Variants in PTPRB observed in about 807,000 individuals in gnomAD.
PTPRB encodes receptor-type tyrosine-protein phosphatase beta.
In PTPRB, 97 loss-of-function variants were observed where a neutral mutation model predicts 238.1. The observed-to-expected ratio is 0.41, with a 90% CI of 0.35 to 0.48. PTPRB has a LOEUF of 0.48. Among genes scored for constraint, PTPRB ranks in the 20% least tolerant of loss-of-function variants. The pLI is 0.30. For missense variants in PTPRB, 2,292 were observed against 2,681.9 expected (o/e 0.85, Z 3.21); for synonymous variants, 970 against 995.4 (o/e 0.97, Z 0.48).
At chr12:70,545,646 G>T (rs1270751924) in intron 21 of PTPRB, among the ~76,000 whole-genome samples, 1 of 152,098 alleles carries the variant, frequency 6.6e-6, no homozygotes, top group African/African-American at 2.4e-5. Context: ...GCTCAATGAA[G>T]AGACTGCTGG....
chr12:70,608,911 A>G (rs1044763465), intron 4 of PTPRB, 158 bp downstream of exon 4: 12 of 1,058,572 alleles, frequency 1.1e-5, no homozygotes, highest in Non-Finnish European at 1.6e-5. Context: ...GCTTCTGGCT[A>G]GATCCGAGGA....
At chr12:70,595,641 T>A (rs377281205) in intron 5 of PTPRB, among the ~76,000 whole-genome samples, 7 of 152,242 alleles carry the variant, frequency 4.6e-5, no homozygotes, top group African/African-American at 1.7e-4. Flanking sequence ...ATAGGAATAG[T>A]TAGGAAACAT....
chr12:70,598,537 G>A (rs1883221077), intron 4 of PTPRB, among the ~76,000 whole-genome samples: 1 of 152,126 alleles, frequency 6.6e-6, no homozygotes, highest in African/African-American at 2.4e-5. Flanking sequence ...TATCTGGGGA[G>A]TATAATAATA....
At chr12:70,565,713 TATCA>T (rs1879204491) in intron 15 of PTPRB, among the ~76,000 whole-genome samples, 1 of 152,228 alleles carries the variant, frequency 6.6e-6, no homozygotes, top group African/African-American at 2.4e-5. Context: ...ATAAATAAGT[TATCA>T]ATCAATTAGG....
intron 28 of PTPRB, 33 bp downstream of exon 28, chr12:70,538,122 A>G (rs749710870): frequency 5.7e-6 from 9 of 1,580,496 alleles, no homozygotes; most frequent in Admixed American, 3.5e-5. Flanking sequence ...CCAAAGCCTC[A>G]TCCTGAACAC....
At chr12:70,547,612 T>C (rs1211294699) in intron 21 of PTPRB, among the ~76,000 whole-genome samples, 2 of 148,264 alleles carry the variant, frequency 1.3e-5, no homozygotes, top group African/African-American at 5.0e-5. Flanking sequence ...GCTCAAGTGA[T>C]CCTCCAACCC....
intron 32 of PTPRB, among the ~76,000 whole-genome samples, chr12:70,524,971 A>G (rs61930283): frequency 0.22 from 31,216 of 142,738 alleles, 3,904 homozygotes; most frequent in Middle Eastern, 0.39. Flanking sequence ...ATGTGTATAT[A>G]TGTGTGTGTG....
rs753644255 is a variant in PTPRB at position 70,534,963 on chromosome 12, A to G, written c.6082-8T>C. On this transcript the variant is annotated splice_polypyrimidine_tract_variant and splice_region_variant and intron_variant, in intron 29 of 33. Transcript: ENST00000334414. Reference sequence around the variant, plus strand: ...GTAATGATCACACTTTACCTAGAACAGGACAGACAGAAAAAACATGAGTCC... The same window carrying G: ...GTAATGATCACACTTTACCTAGAACGGGACAGACAGAAAAAACATGAGTCC... 1 of 1,605,558 alleles carries G rather than the reference A, an allele frequency of 6.2e-7. No individual in the cohort carries two copies. Among genetic ancestry groups the G allele is most frequent in the South Asian group, 1.1e-5 (1 of 90,448 alleles).
chr12:70,556,710 A>G (rs1877732735), intron 18 of PTPRB, among the ~76,000 whole-genome samples: 1 of 152,244 alleles, frequency 6.6e-6, no homozygotes, highest in African/African-American at 2.4e-5. Context: ...ATGGCTAGGC[A>G]TATCGTTTTC....
chr12:70,544,769 G>T (rs1875712767), intron 21 of PTPRB, 106 bp from the exon 22 acceptor site: 1 of 632,954 alleles, frequency 1.6e-6, no homozygotes. Flanking sequence ...GTGGGTAGCA[G>T]GGTAGAATAT....
intron 13 of PTPRB, 73 bp downstream of exon 13, chr12:70,570,953 A>G: frequency 6.6e-7 from 1 of 1,524,276 alleles, no homozygotes; most frequent in East Asian, 2.3e-5. Flanking sequence ...TGCTCAATCG[A>G]AATACCTGAA....
At chr12:70,609,899 C>T (rs919485714) in intron 3 of PTPRB, 3 of 1,317,254 alleles carry the variant, frequency 2.3e-6, no homozygotes, top group Non-Finnish European at 2.0e-6. Flanking sequence ...TCACCTGTTG[C>T]GCGCGCTCAG....
intron 28 of PTPRB, among the ~76,000 whole-genome samples, chr12:70,537,392 C>T (rs1053940478): frequency 6.6e-6 from 1 of 151,708 alleles, no homozygotes; most frequent in Non-Finnish European, 1.5e-5. Flanking sequence ...ATGGCGCAGA[C>T]ATCTTTCAAT....
At chr12:70,564,091 A>C (rs965633031) in intron 15 of PTPRB, among the ~76,000 whole-genome samples, 3 of 152,098 alleles carry the variant, frequency 2.0e-5, no homozygotes, top group Admixed American at 1.3e-4. Context: ...CACCCACTCA[A>C]GGTCTTTGTG....
In PTPRB at chr12:70,532,234, A is replaced by G. The variant is rs529466350; in HGVS notation, c.6369-64T>C. 6.1e-6 allele frequency: 9 copies of G among 1,484,988 alleles called. No individual in the cohort carries two copies. The East Asian group carries it at 2.2e-4, about 35-fold the overall frequency. The allele number at this position is 1,484,988 out of a possible 1,614,324, so 92.0% of individuals were successfully genotyped here. A position where few individuals can be genotyped will look rare whatever the true frequency, so the allele number is the denominator to read the frequency against. On this transcript the variant is annotated intron_variant, in intron 31 of 33. Transcript: ENST00000334414. Reference sequence around the variant, plus strand: ...AAATTTGCCTTTCAAGATTGCATCTAGAGACTCTGGCACAATCTTTTTTTT... The same window carrying G: ...AAATTTGCCTTTCAAGATTGCATCTGGAGACTCTGGCACAATCTTTTTTTT...
chr12:70,559,198 A>G, intron 18 of PTPRB, 145 bp downstream of exon 18: 1 of 883,192 alleles, frequency 1.1e-6, no homozygotes, highest in African/African-American at 1.7e-5. Flanking sequence ...GAACGAACAA[A>G]TCTACAGAGA....
At chr12:70,580,897 A>G in intron 10 of PTPRB, 139 bp downstream of exon 10, 1 of 882,940 alleles carries the variant, frequency 1.1e-6, no homozygotes, top group Non-Finnish European at 1.7e-6. Flanking sequence ...TACCTTCTGG[A>G]TGGCTAGCTT....
At chr12:70,537,666 G>A (rs2136242987) in intron 28 of PTPRB, among the ~76,000 whole-genome samples, 1 of 152,252 alleles carries the variant, frequency 6.6e-6, no homozygotes, top group South Asian at 2.1e-4. Context: ...ATCAACAAGG[G>A]GCAGAAGTGG....
chr12:70,596,354 C>CA (rs58070382), intron 4 of PTPRB, 27 bp from the exon 5 acceptor site: 275,999 of 1,095,822 alleles, frequency 0.25, 7,180 homozygotes, highest in Admixed American at 0.3. Flanking sequence ...CACACACACA[C>CA]AAAAAAAAAA....
Sources: allele counts gnomAD v4.1 joint callset (sites outside exome capture counted in the v4.1 genomes callset), GRCh38; gene constraint gnomAD v4.1.1; transcripts MANE v1.5; gene names NCBI Gene and HGNC (gene_info 2026-07-23, HGNC 2026-07-21).